Variants in PPHLN1 observed in about 807,000 individuals in gnomAD.
The protein encoded by PPHLN1 is periphilin-1.
A neutral mutation model predicts 51.3 loss-of-function variants in PPHLN1; 29 were observed. The observed-to-expected ratio is 0.57, with a 90% confidence interval of 0.42 to 0.77. PPHLN1 has a LOEUF of 0.77. Among genes scored for constraint, PPHLN1 ranks in the 30% least tolerant of loss-of-function variants. The pLI, the probability that PPHLN1 is intolerant of heterozygous loss-of-function variation, is 0.00. For missense variants in PPHLN1, 436 were observed against 438.4 expected, an observed-to-expected ratio of 0.99 and a Z score of 0.05; for synonymous variants, 147 against 147.8, an observed-to-expected ratio of 0.99 and a Z score of 0.04.
In PPHLN1 at chr12:42,336,101, A is replaced by T. The variant is rs187675021; in HGVS notation, c.72+127A>T. The T allele has an allele frequency of 1.6e-4, 77 of 490,054 alleles. No homozygotes were observed. In the Admixed American group the frequency reaches 2.2e-3, roughly 14 times the overall value. 30.4% of individuals were successfully genotyped at this position (490,054 alleles called of 1,614,324 possible). On this transcript the variant is annotated intron_variant, in intron 2 of 9. Transcript: ENST00000358314. Reference sequence around the variant, plus strand: ...TTTACCAGTGTAGTTTACAAAAGAGATCAAGCTTATCTTTTAAAAGTTAAA... The same window carrying T: ...TTTACCAGTGTAGTTTACAAAAGAGTTCAAGCTTATCTTTTAAAAGTTAAA...
intron 2 of PPHLN1, among the ~76,000 whole-genome samples, chr12:42,341,422 G>A (rs2071480230): frequency 6.6e-6 from 1 of 152,130 alleles, no homozygotes; most frequent in African/African-American, 2.4e-5. Flanking sequence ...TTCTGTAGTA[G>A]TATGACCTCG....
At chr12:42,395,691 G>C (rs541302434) in intron 8 of PPHLN1, among the ~76,000 whole-genome samples, 1 of 152,226 alleles carries the variant, frequency 6.6e-6, no homozygotes, top group East Asian at 1.9e-4. Context: ...AAAGTACTGT[G>C]TATGTGTGTG....
intron 1 of PPHLN1, chr12:42,331,822 T>C (rs554074706): frequency 1.3e-5 from 2 of 152,324 alleles, no homozygotes; most frequent in Admixed American, 6.5e-5. Flanking sequence ...TGCACTGATA[T>C]GAGGAGATGT....
chr12:42,399,487 G>T (rs1180767743), intron 9 of PPHLN1: 4 of 882,290 alleles, frequency 4.5e-6, no homozygotes. Flanking sequence ...CTATTATGGG[G>T]TTATTTTCAT....
intron 9 of PPHLN1, chr12:42,432,426 A>G: frequency 1.3e-6 from 1 of 757,530 alleles, no homozygotes; most frequent in Admixed American, 1.7e-5. Context: ...GTGCCAACAA[A>G]TACAAATGGA....
chr12:42,444,021 A>G (rs942881230), downstream of PPHLN1: 1 of 152,206 alleles, frequency 6.6e-6, no homozygotes, highest in Non-Finnish European at 1.5e-5. Context: ...AGAATATCCT[A>G]GTTGCAAGAT....
intron 7 of PPHLN1, among the ~76,000 whole-genome samples, chr12:42,388,087 T>C (rs1377056728): frequency 1.3e-5 from 2 of 152,178 alleles, no homozygotes; most frequent in East Asian, 1.9e-4. Context: ...GTCTGAAATA[T>C]GGCCTTGTGG....
intron 2 of PPHLN1, among the ~76,000 whole-genome samples, chr12:42,345,370 T>C (rs981698047): frequency 6.7e-6 from 1 of 148,612 alleles, no homozygotes; most frequent in Non-Finnish European, 1.5e-5. Context: ...TATGTGCAAG[T>C]TTTTTTTTTA....
chr12:42,395,419 G>A (rs538820119), intron 8 of PPHLN1, among the ~76,000 whole-genome samples: 19 of 151,854 alleles, frequency 1.3e-4, no homozygotes, highest in African/African-American at 2.7e-4. Context: ...ATACTTTTTC[G>A]TACTGGAAAT....
At chr12:42,331,087 T>C (rs1311494001) in intron 1 of PPHLN1, among the ~76,000 whole-genome samples, 3 of 152,200 alleles carry the variant, frequency 2.0e-5, no homozygotes, top group Admixed American at 2.0e-4. Context: ...CTCTTTCTTT[T>C]CCCCACATCT....
At chr12:42,422,527 C>G (rs2081096423) in intron 9 of PPHLN1, among the ~76,000 whole-genome samples, 1 of 152,172 alleles carries the variant, frequency 6.6e-6, no homozygotes, top group South Asian at 2.1e-4. Context: ...ACTGCTAAAA[C>G]AAAGATTTTT....
At position 42,441,415 on chromosome 12, in the gene PPHLN1, A is replaced by G; in HGVS notation, c.1010A>G (p.Asn337Ser). Reference sequence around the variant, plus strand: ...TCTATACAGTTTGCATTGAGGCAGAATTTACATGAAATAGGTGAGCGGTGT... The same window carrying G: ...TCTATACAGTTTGCATTGAGGCAGAGTTTACATGAAATAGGTGAGCGGTGT... Reference protein sequence around the residue: ...EKSIQFALRQNLHEIGERCVE... With the variant: ...EKSIQFALRQSLHEIGERCVE... The change falls in exon 10 of 10, where the codon AAT becomes AGT. Residue 337 changes from asparagine to serine, a missense_variant. Transcript: ENST00000358314. 6.2e-7 allele frequency: 1 copy of G among 1,614,116 alleles called. No homozygotes were observed. Among genetic ancestry groups the G allele is most frequent in the Non-Finnish European group, 8.5e-7 (1 of 1,180,008 alleles).
At chr12:42,406,223 A>G (rs1304220354) in intron 9 of PPHLN1, among the ~76,000 whole-genome samples, 2 of 151,738 alleles carry the variant, frequency 1.3e-5, no homozygotes, top group African/African-American at 4.8e-5. Context: ...AGCTGGGACT[A>G]CAGGCACCCG....
chr12:42,422,863 A>G (rs1371908515), intron 9 of PPHLN1, among the ~76,000 whole-genome samples: 1 of 152,182 alleles, frequency 6.6e-6, no homozygotes, highest in African/African-American at 2.4e-5. Flanking sequence ...CCTACCTCAA[A>G]TCCTTGGCTG....
intron 1 of PPHLN1, among the ~76,000 whole-genome samples, chr12:42,334,385 T>C (rs546641089): frequency 1.3e-5 from 2 of 152,324 alleles, no homozygotes; most frequent in African/African-American, 4.8e-5. Context: ...ATTGGGTCTG[T>C]TTGTATTAGA....
chr12:42,386,635 T>C (rs2077215744), intron 6 of PPHLN1, among the ~76,000 whole-genome samples: 1 of 152,226 alleles, frequency 6.6e-6, no homozygotes, highest in Admixed American at 6.5e-5. Context: ...TTTGTTAGTT[T>C]TTCTAGCAAC....
intron 9 of PPHLN1, among the ~76,000 whole-genome samples, chr12:42,409,779 C>G (rs1191896273): frequency 6.6e-6 from 1 of 151,932 alleles, no homozygotes; most frequent in Non-Finnish European, 1.5e-5. Flanking sequence ...TTGCTTATTT[C>G]TATCTTTAAG....
intron 9 of PPHLN1, chr12:42,431,615 C>T: frequency 1.4e-6 from 1 of 728,502 alleles, no homozygotes. Context: ...CTTGTACAAG[C>T]ACTGTTGTAA....
chr12:42,441,375 C>A lies in PPHLN1; in HGVS notation c.970C>A (p.Pro324Thr). ...MVVKMLIEKD[P>T]SLEKSIQFAL... The stretch of plus-strand genomic sequence containing the variant: ...GGTGAAAATGCTGATTGAAAAAGAT[C>A]CTTCATTAGAAAAGTCTATACAGTT... Residue 324 changes from proline to threonine, a missense_variant, in exon 10 of 10, where the codon CCT becomes ACT. Transcript: ENST00000358314. 6.2e-7 allele frequency: 1 copy of A among 1,613,724 alleles called. No homozygotes were observed. Among genetic ancestry groups the A allele is most frequent in the Non-Finnish European group, 8.5e-7 (1 of 1,179,844 alleles).
Sources: gnomAD v4.1 joint callset for allele counts (sites outside exome capture counted in the v4.1 genomes callset) on GRCh38, gnomAD v4.1.1 for gene constraint, MANE v1.5 for transcripts, NCBI Gene and HGNC (gene_info 2026-07-23, HGNC 2026-07-21) for gene names.